The following TAS2R1 variants were observed in gnomAD, a reference collection of about 807,000 sequenced individuals.
TAS2R1 encodes the protein taste 2 receptor member 1.
For synonymous variants in TAS2R1, 141 were observed against 134.2 expected (o/e 1.05, Z -0.35); for missense variants, 370 against 353.4 (o/e 1.05, Z -0.38).
chr5:9,785,199 T>C, the TAS2R1 span, among the ~76,000 whole-genome samples: 3 of 152,328 alleles, frequency 2.0e-5, no homozygotes, highest in East Asian at 5.8e-4. Flanking sequence ...ATGTGTATCC[T>C]TCCATATGCT....
chr5:9,646,936 C>T (rs1441642620), intron 2 of TAS2R1, among the ~76,000 whole-genome samples: 4 of 152,144 alleles, frequency 2.6e-5, no homozygotes, highest in South Asian at 2.1e-4. Context: ...GAAGTCATTG[C>T]TAGCCAAACT....
the TAS2R1 span, among the ~76,000 whole-genome samples, chr5:9,770,231 T>C: frequency 6.6e-6 from 1 of 152,130 alleles, no homozygotes; most frequent in East Asian, 1.9e-4. Context: ...AATGTATGGG[T>C]TTGTTTCCAG....
the TAS2R1 span, among the ~76,000 whole-genome samples, chr5:9,805,999 T>C: frequency 6.6e-6 from 1 of 152,064 alleles, no homozygotes; most frequent in African/African-American, 2.4e-5. Flanking sequence ...TAGAAAACTC[T>C]AAAGACTCAT....
At chr5:9,637,680 C>G (rs1739990914) in intron 2 of TAS2R1, among the ~76,000 whole-genome samples, 1 of 152,062 alleles carries the variant, frequency 6.6e-6, no homozygotes, top group African/African-American at 2.4e-5. Flanking sequence ...ACATAGTCTT[C>G]AAGCTCTGAA....
upstream of TAS2R1, among the ~76,000 whole-genome samples, chr5:9,714,661 GT>G: frequency 6.6e-6 from 1 of 152,260 alleles, no homozygotes; most frequent in African/African-American, 2.4e-5. Context: ...AAAAGAAAGT[GT>G]TTGTAATAGA....
Position 9,629,629 on chromosome 5 carries a change from A to G in TAS2R1, c.404T>C (p.Leu135Pro). 6.2e-7 allele frequency: 1 copy of G among 1,614,218 alleles called. No individual in the cohort carries two copies. Residue 135 changes from leucine (L) to proline (P), a missense_variant, in exon 1 of 1, where the codon CTA becomes CCA. Leu to Pro is a moderately conservative substitution (Grantham distance 98). Transcript: ENST00000382492. ...LVPWMILGSL[L>P]YVSMICVFHS... ...GAAAACACAAATCATAGATACATATAGCAGAGACCCCAGGATCATCCATGG... is the reference window on the plus strand; with the variant it reads ...GAAAACACAAATCATAGATACATATGGCAGAGACCCCAGGATCATCCATGG...
chr5:9,819,807 C>T, the TAS2R1 span, among the ~76,000 whole-genome samples: 1 of 152,060 alleles, frequency 6.6e-6, no homozygotes, highest in African/African-American at 2.4e-5. Flanking sequence ...CAGTTCCTTG[C>T]CATCTACTGA....
intron 1 of TAS2R1, among the ~76,000 whole-genome samples, chr5:9,665,499 C>A (rs765781106): frequency 1.1e-4 from 17 of 152,226 alleles, no homozygotes; most frequent in Non-Finnish European, 1.9e-4. Flanking sequence ...CAGTAAGGGA[C>A]AGACCAGGGA....
At chr5:9,861,544 T>C in the TAS2R1 span, among the ~76,000 whole-genome samples, 1 of 152,196 alleles carries the variant, frequency 6.6e-6, no homozygotes, top group African/African-American at 2.4e-5. Flanking sequence ...GAAAAGGCAC[T>C]TGTTTCAGAG....
At chr5:9,732,745 G>A in the TAS2R1 span, among the ~76,000 whole-genome samples, 354 of 152,266 alleles carry the variant, frequency 2.3e-3, 3 homozygotes, top group African/African-American at 8.0e-3. Flanking sequence ...CTTCCATATC[G>A]GTCAGGGTTC....
chr5:9,885,603 A>G, the TAS2R1 span, among the ~76,000 whole-genome samples: 1 of 152,234 alleles, frequency 6.6e-6, no homozygotes. Flanking sequence ...GGGAAAAAGA[A>G]GCTAAAGTAT....
chr5:9,860,902 C>G, the TAS2R1 span, among the ~76,000 whole-genome samples: 1 of 151,652 alleles, frequency 6.6e-6, no homozygotes, highest in African/African-American at 2.4e-5. Flanking sequence ...TGCAGCAAGA[C>G]GATCTAAGCA....
the TAS2R1 span, among the ~76,000 whole-genome samples, chr5:9,824,357 C>T: frequency 0.93 from 141,629 of 152,298 alleles, 65,916 homozygotes; most frequent in Non-Finnish European, 0.94. Context: ...TTCATAAAAC[C>T]GACTTGATGG....
the TAS2R1 span, among the ~76,000 whole-genome samples, chr5:9,732,786 T>C: frequency 1.3e-5 from 2 of 152,186 alleles, no homozygotes; most frequent in African/African-American, 2.4e-5. Context: ...GGGATATGTA[T>C]ATAAAGAGAT....
the TAS2R1 span, among the ~76,000 whole-genome samples, chr5:9,866,355 T>C: frequency 1.3e-5 from 2 of 152,238 alleles, no homozygotes; most frequent in African/African-American, 4.8e-5. Flanking sequence ...TAATTGTCTA[T>C]GGGTCTGTTT....
chr5:9,773,369 G>T, the TAS2R1 span, among the ~76,000 whole-genome samples: 1 of 151,722 alleles, frequency 6.6e-6, no homozygotes, highest in Admixed American at 6.6e-5. Flanking sequence ...TGTATGTAAC[G>T]TCTATTTCTT....
At chr5:9,673,179 T>C (rs1301360300) in intron 1 of TAS2R1, among the ~76,000 whole-genome samples, 1 of 152,138 alleles carries the variant, frequency 6.6e-6, no homozygotes, top group Non-Finnish European at 1.5e-5. Context: ...ATCAAAAAAC[T>C]ACCTAGTGGG....
the TAS2R1 span, among the ~76,000 whole-genome samples, chr5:9,832,710 A>C: frequency 3.3e-5 from 5 of 152,266 alleles, no homozygotes; most frequent in Non-Finnish European, 7.3e-5. Context: ...AGATTAATGA[A>C]AAGAAATGAA....
At chr5:9,666,145 A>AT (rs962387067) in intron 1 of TAS2R1, among the ~76,000 whole-genome samples, 1 of 152,042 alleles carries the variant, frequency 6.6e-6, no homozygotes, top group East Asian at 1.9e-4. Flanking sequence ...ATAAGGAGAG[A>AT]TTTTTCAAAA....
Sources: allele counts gnomAD v4.1 joint callset (sites outside exome capture counted in the v4.1 genomes callset), GRCh38; gene constraint gnomAD v4.1.1; transcripts MANE v1.5; gene names NCBI Gene and HGNC (gene_info 2026-07-23, HGNC 2026-07-21).